DLC1: variants seen among roughly 807,000 people sequenced by gnomAD.
DLC1 encodes DLC1 Rho GTPase activating protein, also known as rho GTPase-activating protein 7.
Under a neutral mutation model 140.3 loss-of-function variants are expected in DLC1, and 54 were observed. The observed-to-expected ratio is 0.38, with a 90% confidence interval of 0.31 to 0.48. The LOEUF (loss-of-function observed/expected upper bound fraction) is 0.48, where lower values mean the gene tolerates loss of function less well. Among genes scored for constraint, DLC1 ranks in the 20% least tolerant of loss-of-function variants. The pLI, the probability that DLC1 is intolerant of heterozygous loss-of-function variation, is 0.96. For synonymous variants in DLC1, 986 were observed against 728.1 expected (o/e 1.35, Z -5.70); for missense variants, 2,536 against 1,907.0 (o/e 1.33, Z -6.14).
intron 2 of DLC1, among the ~76,000 whole-genome samples, chr8:13,407,294 G>C (rs1837611573): frequency 6.6e-6 from 1 of 152,154 alleles, no homozygotes; most frequent in African/African-American, 2.4e-5. Flanking sequence ...TTTCCTAAAA[G>C]TGTCAGATTC....
chr8:13,183,300 C>T (rs1826148295), intron 5 of DLC1, among the ~76,000 whole-genome samples: 1 of 152,088 alleles, frequency 6.6e-6, no homozygotes, highest in Non-Finnish European at 1.5e-5. Flanking sequence ...AATTGAATAC[C>T]CTTTATTTCT....
intron 4 of DLC1, among the ~76,000 whole-genome samples, chr8:13,343,054 T>A (rs1004115829): frequency 1.3e-5 from 2 of 152,176 alleles, no homozygotes; most frequent in African/African-American, 4.8e-5. Context: ...CACCCTTTAC[T>A]TATTGAAAAG....
At chr8:13,584,701 C>T (rs1805238968) in intron 1 of DLC1, among the ~76,000 whole-genome samples, 1 of 152,058 alleles carries the variant, frequency 6.6e-6, no homozygotes, top group Non-Finnish European at 1.5e-5. Context: ...AGCTGGAGTG[C>T]AGAGGTAGGC....
chr8:13,305,099 AT>A, intron 5 of DLC1, 169 bp downstream of exon 5: 1 of 1,296,964 alleles, frequency 7.7e-7, no homozygotes, highest in Non-Finnish European at 9.8e-7. Context: ...AACCACGTAT[AT>A]TTTTCTTACA....
At chr8:13,572,479 T>A (rs1490916732) in intron 1 of DLC1, among the ~76,000 whole-genome samples, 2 of 152,218 alleles carry the variant, frequency 1.3e-5, no homozygotes, top group Non-Finnish European at 2.9e-5. Context: ...CACAAGTTTT[T>A]AATTTTCATA....
intron 5 of DLC1, among the ~76,000 whole-genome samples, chr8:13,166,563 A>G (rs1037244888): frequency 1.3e-5 from 2 of 152,058 alleles, no homozygotes; most frequent in African/African-American, 4.8e-5. Flanking sequence ...CTGGCCTCGA[A>G]CTCAAGTGAT....
At chr8:13,565,035 T>A (rs563666582) in intron 1 of DLC1, among the ~76,000 whole-genome samples, 4 of 152,306 alleles carry the variant, frequency 2.6e-5, no homozygotes, top group Middle Eastern at 3.4e-3. Flanking sequence ...TTGTTTAAAA[T>A]CAAACTTTGA....
intron 2 of DLC1, among the ~76,000 whole-genome samples, chr8:13,482,975 G>A (rs1032763468): frequency 6.6e-6 from 1 of 152,184 alleles, no homozygotes; most frequent in Non-Finnish European, 1.5e-5. Context: ...AAACTTAACT[G>A]TTCTAAAACA....
intron 1 of DLC1, among the ~76,000 whole-genome samples, chr8:13,528,048 C>CA (rs1342203200): frequency 2.0e-5 from 3 of 151,850 alleles, no homozygotes; most frequent in Non-Finnish European, 4.4e-5. Context: ...CATGGGCATC[C>CA]AAAAAAATCA....
chr8:13,533,204 A>G (rs1009602546), intron 1 of DLC1, among the ~76,000 whole-genome samples: 1 of 151,880 alleles, frequency 6.6e-6, no homozygotes, highest in Non-Finnish European at 1.5e-5. Context: ...ATATCAAAAT[A>G]TAACCACGAA....
At chr8:13,558,891 A>G (rs1046731305) in intron 1 of DLC1, 4 of 152,170 alleles carry the variant, frequency 2.6e-5, no homozygotes, top group South Asian at 4.1e-4. Context: ...TTATCTCTCA[A>G]TGGCCTCAAA....
At chr8:13,572,092 TTTA>T (rs201728429) in intron 1 of DLC1, among the ~76,000 whole-genome samples, 1 of 7,944 alleles carries the variant, frequency 1.3e-4, no homozygotes, top group Admixed American at 1.8e-3. Context: ...ATTATTATTA[TTTA>T]TTTTTTTTTT....
chr8:13,412,182 A>T (rs1275678229), intron 2 of DLC1, among the ~76,000 whole-genome samples: 1 of 152,210 alleles, frequency 6.6e-6, no homozygotes, highest in Non-Finnish European at 1.5e-5. Context: ...AGAATTCCTA[A>T]TGATTTAAAA....
chr8:13,276,577 C>A, intron 5 of DLC1: 1 of 1,263,840 alleles, frequency 7.9e-7, no homozygotes, highest in Non-Finnish European at 9.9e-7. Context: ...CGGCCAAGCG[C>A]GCGCGGCGGC....
chr8:13,389,316 A>T (rs1475578706), intron 4 of DLC1, among the ~76,000 whole-genome samples: 1 of 152,134 alleles, frequency 6.6e-6, no homozygotes, highest in Non-Finnish European at 1.5e-5. Context: ...TAATACCAGG[A>T]ACAACTCAAG....
At chr8:13,334,763 T>C (rs1239782488) in intron 4 of DLC1, among the ~76,000 whole-genome samples, 4 of 152,210 alleles carry the variant, frequency 2.6e-5, no homozygotes, top group Non-Finnish European at 2.9e-5. Flanking sequence ...ACACCAGTTG[T>C]CCTGGTTTTG....
At chr8:13,603,894 C>G (rs986768646) in intron 1 of DLC1, among the ~76,000 whole-genome samples, 5 of 152,036 alleles carry the variant, frequency 3.3e-5, no homozygotes, top group African/African-American at 1.2e-4. Context: ...AGAATATAAG[C>G]TTGGTAATAT....
At chr8:13,425,112 C>T in intron 2 of DLC1, among the ~76,000 whole-genome samples, 1 of 145,860 alleles carries the variant, frequency 6.9e-6, no homozygotes, top group East Asian at 2.0e-4. Context: ...TCCTAGAACA[C>T]AATGTGCAGT....
At chr8:13,424,166 C>G (rs1423380880) in intron 2 of DLC1, among the ~76,000 whole-genome samples, 4 of 152,042 alleles carry the variant, frequency 2.6e-5, no homozygotes, top group African/African-American at 9.7e-5. Flanking sequence ...AACAAAATAA[C>G]TCATTGTCCT....
Sources: gnomAD v4.1 joint callset for allele counts (sites outside exome capture counted in the v4.1 genomes callset) on GRCh38, gnomAD v4.1.1 for gene constraint, MANE v1.5 for transcripts, NCBI Gene and HGNC (gene_info 2026-07-23, HGNC 2026-07-21) for gene names.